Variants in SGCZ observed in about 807,000 individuals in gnomAD.
SGCZ encodes zeta-sarcoglycan.
A neutral mutation model predicts 41.3 loss-of-function variants in SGCZ; 40 were observed. The observed-to-expected ratio is 0.97, with a 90% CI of 0.75 to 1.26. The LOEUF (loss-of-function observed/expected upper bound fraction) is 1.26. Ranked by LOEUF, SGCZ falls within the 50% of genes most tolerant of loss-of-function variation. The pLI, the probability that SGCZ is intolerant of heterozygous loss-of-function variation, is 0.00. For synonymous variants in SGCZ, 206 were observed against 137.5 expected (o/e 1.50, Z -3.49); for missense variants, 552 against 369.8 (o/e 1.49, Z -4.04).
intron 1 of SGCZ, among the ~76,000 whole-genome samples, chr8:15,223,819 T>C (rs548951896): frequency 1.3e-5 from 2 of 152,020 alleles, no homozygotes; most frequent in African/African-American, 4.8e-5. Flanking sequence ...AAAATCATTA[T>C]GGGTTGCAGT....
intron 2 of SGCZ, among the ~76,000 whole-genome samples, chr8:14,386,163 T>A (rs1804568259): frequency 6.6e-6 from 1 of 152,114 alleles, no homozygotes. Context: ...CACTTGCATT[T>A]CTCAGGAAAG....
intron 5 of SGCZ, among the ~76,000 whole-genome samples, chr8:14,155,513 T>C (rs555260609): frequency 1.5e-4 from 23 of 152,216 alleles, no homozygotes; most frequent in African/African-American, 5.3e-4. Flanking sequence ...GTTAGTCTCA[T>C]CATCCATTGA....
In SGCZ at chr8:14,754,086, G is replaced by C. The variant is rs1799583659; in HGVS notation, c.40-199160C>G. 2.6e-5 allele frequency among the ~76,000 whole-genome samples: 4 copies of C among 152,158 alleles called. No individual in the cohort carries two copies. The South Asian group carries it at 6.2e-4, about 24-fold the overall frequency. ...CCATGTCAACAGAGTTCTGCATTGA[G>C]TTTTGGAGCTAAAGTCCAGACAAAT... On this transcript the variant is annotated intron_variant, in intron 1 of 7. Transcript: ENST00000382080.
At chr8:14,680,626 A>C (rs1421336360) in intron 1 of SGCZ, among the ~76,000 whole-genome samples, 1 of 152,058 alleles carries the variant, frequency 6.6e-6, no homozygotes, top group Admixed American at 6.6e-5. Flanking sequence ...CATATATTCC[A>C]AAGTAGAAGA....
intron 1 of SGCZ, among the ~76,000 whole-genome samples, chr8:14,898,962 G>C (rs1457285350): frequency 6.6e-6 from 1 of 152,152 alleles, no homozygotes; most frequent in Non-Finnish European, 1.5e-5. Flanking sequence ...TGATAGTGAA[G>C]ACAATGTAAA....
Position 14,546,584 on chromosome 8 carries a change from T to G in SGCZ, c.234+8148A>C, listed in dbSNP as rs927889019. Among the ~76,000 whole-genome samples the G allele has an allele frequency of 5.3e-5, 8 of 152,154 alleles. No individual in the cohort carries two copies. The East Asian group carries it at 1.3e-3, about 26-fold the overall frequency. Reference sequence around the variant, plus strand: ...TCATACTTGGCACTTACAGATCAGTTTTAACCATTCTAATTACACACTAAC... The same window carrying G: ...TCATACTTGGCACTTACAGATCAGTGTTAACCATTCTAATTACACACTAAC... On this transcript the variant is annotated intron_variant, in intron 2 of 7. Transcript: ENST00000382080.
chr8:14,091,943 A>T lies in SGCZ; in HGVS notation c.745-1306T>A, dbSNP rs146349626. Reference sequence around the variant, plus strand: ...GTAAGTTTTCTTCTAGGGTTTTTACAGTTTTAGGTTTTATGTTTAAGTCTT... The same window carrying T: ...GTAAGTTTTCTTCTAGGGTTTTTACTGTTTTAGGTTTTATGTTTAAGTCTT... On this transcript the variant is annotated intron_variant, in intron 7 of 7. Transcript: ENST00000382080. Among the ~76,000 whole-genome samples the T allele has an allele frequency of 4.2e-3, 633 of 152,162 alleles. 6 individuals are homozygous for T. The highest frequency in any genetic ancestry group is 0.014 in the African/African-American group (579 of 41,536).
At chr8:14,529,563 T>G (rs1803061334) in intron 2 of SGCZ, among the ~76,000 whole-genome samples, 1 of 152,152 alleles carries the variant, frequency 6.6e-6, no homozygotes, top group African/African-American at 2.4e-5. Context: ...CTTTCCATGA[T>G]CACACCTACA....
At chr8:14,974,772 C>A (rs1254037596) in intron 1 of SGCZ, among the ~76,000 whole-genome samples, 1 of 150,370 alleles carries the variant, frequency 6.7e-6, no homozygotes, top group East Asian at 2.0e-4. Context: ...GTCCATGATA[C>A]TACAATGAAC....
At chr8:14,719,500 T>A (rs1364417162) in intron 1 of SGCZ, among the ~76,000 whole-genome samples, 2 of 151,680 alleles carry the variant, frequency 1.3e-5, no homozygotes, top group South Asian at 2.1e-4. Flanking sequence ...TTTCTCCACA[T>A]CCTCTCCAGC....
intron 1 of SGCZ, among the ~76,000 whole-genome samples, chr8:14,669,105 C>G (rs1446114951): frequency 6.6e-6 from 1 of 151,906 alleles, no homozygotes; most frequent in African/African-American, 2.4e-5. Flanking sequence ...GAGGCTTAGG[C>G]AGGTGAATCA....
intron 7 of SGCZ, among the ~76,000 whole-genome samples, chr8:14,098,968 T>C (rs1456973734): frequency 6.6e-6 from 1 of 152,166 alleles, no homozygotes; most frequent in Non-Finnish European, 1.5e-5. Flanking sequence ...TTCGGCTATA[T>C]TACAGTGCTT....
intron 1 of SGCZ, among the ~76,000 whole-genome samples, chr8:14,744,677 G>C (rs1194320911): frequency 2.0e-5 from 3 of 152,216 alleles, no homozygotes; most frequent in East Asian, 1.9e-4. Context: ...AAGCTTAATA[G>C]TAACACTTGC....
chr8:15,042,274 C>T (rs7005497), intron 1 of SGCZ, among the ~76,000 whole-genome samples: 130,613 of 152,168 alleles, frequency 0.86, 56,376 homozygotes, highest in East Asian at 1. Context: ...TAATGCCTAG[C>T]TGACGGCAGT....
At chr8:14,581,100 T>A (rs961948355) in intron 1 of SGCZ, among the ~76,000 whole-genome samples, 1 of 152,024 alleles carries the variant, frequency 6.6e-6, no homozygotes, top group East Asian at 1.9e-4. Context: ...TGGTTACTAA[T>A]TTTTTTTATT....
rs545028280 is a variant in SGCZ, at chr8:14,980,472, G to A, written c.39+257113C>T. On this transcript the variant is annotated intron_variant, in intron 1 of 7. Transcript: ENST00000382080. ...TCTATCTGTGTTAGTCTGTTTTCAC[G>A]TTGCTGATGAAGACATAACCGAGAC... Among the ~76,000 whole-genome samples the A allele has an allele frequency of 2.2e-4, 33 of 152,210 alleles. No homozygotes were observed. In the South Asian group the frequency reaches 4.8e-3, roughly 22 times the overall value.
At chr8:15,072,049 C>A (rs550471047) in intron 1 of SGCZ, among the ~76,000 whole-genome samples, 2 of 152,148 alleles carry the variant, frequency 1.3e-5, no homozygotes, top group African/African-American at 2.4e-5. Flanking sequence ...CTGCTTGTAT[C>A]TTCTCGGTTT....
chr8:15,165,666 G>A (rs1179389445), intron 1 of SGCZ, among the ~76,000 whole-genome samples: 1 of 152,142 alleles, frequency 6.6e-6, no homozygotes, highest in Non-Finnish European at 1.5e-5. Context: ...TTACACGCAA[G>A]GTGTATGAGA....
At chr8:15,145,614 A>C (rs1188528756) in intron 1 of SGCZ, among the ~76,000 whole-genome samples, 1 of 152,040 alleles carries the variant, frequency 6.6e-6, no homozygotes, top group Non-Finnish European at 1.5e-5. Context: ...CTACAGGTAC[A>C]CACCATCTGA....
Sources: allele counts gnomAD v4.1 joint callset (sites outside exome capture counted in the v4.1 genomes callset), GRCh38; gene constraint gnomAD v4.1.1; transcripts MANE v1.5; gene names NCBI Gene and HGNC (gene_info 2026-07-23, HGNC 2026-07-21).